Variants in ZNF407 observed in about 807,000 individuals in gnomAD.
ZNF407 encodes zinc finger protein 407.
In ZNF407, 17 loss-of-function variants were observed where a neutral mutation model predicts 131.2. The ratio of observed to expected loss-of-function variants is 0.13; its 90% CI spans 0.09 to 0.19. ZNF407 has a LOEUF of 0.19. Ranked by LOEUF, ZNF407 falls within the 10% of genes least tolerant of loss-of-function variation. ZNF407 has a pLI of 1.00. For synonymous variants in ZNF407, 1,156 were observed against 1,062.0 expected (o/e 1.09, Z -1.72); for missense variants, 2,681 against 2,830.6 (o/e 0.95, Z 1.20).
chr18:74,798,108 C>T (rs1252968131), intron 4 of ZNF407, among the ~76,000 whole-genome samples: 1 of 151,700 alleles, frequency 6.6e-6, no homozygotes. Context: ...ATGTCTGAAT[C>T]ATAAAATACA....
chr18:74,660,612 A>G (rs571046261), intron 3 of ZNF407, among the ~76,000 whole-genome samples: 2 of 152,134 alleles, frequency 1.3e-5, no homozygotes, highest in Non-Finnish European at 2.9e-5. Flanking sequence ...TCTCCAAAGA[A>G]AGCAATATAA....
chr18:74,876,042 C>T (rs117153780), intron 4 of ZNF407, among the ~76,000 whole-genome samples: 1,626 of 152,130 alleles, frequency 0.011, 35 homozygotes, highest in Admixed American at 0.053. Flanking sequence ...ATTATTTGGA[C>T]CCTGGGATTC....
At chr18:74,917,308 T>A (rs1349984599) in intron 7 of ZNF407, among the ~76,000 whole-genome samples, 2 of 152,158 alleles carry the variant, frequency 1.3e-5, no homozygotes, top group Non-Finnish European at 2.9e-5. Flanking sequence ...GTTTAAAACA[T>A]AAAATTACAA....
At chr18:74,803,980 C>G (rs373509736) in intron 4 of ZNF407, 38 of 1,551,678 alleles carry the variant, frequency 2.4e-5, no homozygotes, top group Middle Eastern at 1.7e-4. Flanking sequence ...GGTTGCATAT[C>G]GAAAGATCGG....
At chr18:74,906,272 T>A (rs1971594166) in intron 7 of ZNF407, among the ~76,000 whole-genome samples, 1 of 152,190 alleles carries the variant, frequency 6.6e-6, no homozygotes. Context: ...GTTTTGATTA[T>A]AGTATTCCTT....
chr18:74,620,896 G>A (rs1983483343), intron 1 of ZNF407, among the ~76,000 whole-genome samples: 1 of 152,144 alleles, frequency 6.6e-6, no homozygotes, highest in Non-Finnish European at 1.5e-5. Context: ...GGTTATGGCT[G>A]TGAGAATTGT....
intron 8 of ZNF407, among the ~76,000 whole-genome samples, chr18:75,049,332 TC>T (rs974737194): frequency 2.0e-5 from 3 of 152,162 alleles, no homozygotes; most frequent in Non-Finnish European, 4.4e-5. Context: ...CAGCGCAGCC[TC>T]CTGCTCTGGC....
At chr18:74,977,535 TTAAGTC>T (rs1171913696) in intron 8 of ZNF407, among the ~76,000 whole-genome samples, 13 of 152,226 alleles carry the variant, frequency 8.5e-5, no homozygotes, top group Non-Finnish European at 1.0e-4. Flanking sequence ...CTTCTTGACT[TTAAGTC>T]TAAACAGATG....
In ZNF407 at chr18:74,633,568, G is replaced by A. The variant is rs1443295460; in HGVS notation, c.2549G>A (p.Arg850Gln). 2 of 1,613,984 alleles carry A rather than the reference G, an allele frequency of 1.2e-6. No individual in the cohort carries two copies. The highest frequency in any genetic ancestry group is 8.5e-7 in the Non-Finnish European group (1 of 1,179,902). The change falls in exon 2 of 9, where the codon CGG becomes CAG. Residue 850 changes from arginine to glutamine, a missense_variant. Arg to Gln is a conservative substitution (Grantham distance 43, BLOSUM62 1). This residue lies in a region of ZNF407 where 1,789 missense variants were observed against 1,748.7 expected (regional missense o/e 1.02). Coordinates refer to ENST00000299687, the MANE Select transcript of ZNF407 (RefSeq NM_017757.3). ...GGGAGACCTAAAGGTAACATCTCAC[G>A]GACGTGTTCACACTGTGGCCTTTTG... ...KRGRPKGNIS[R>Q]TCSHCGLLAS... is the part of the protein sequence containing the mutation.
intron 3 of ZNF407, among the ~76,000 whole-genome samples, chr18:74,728,386 CATAGCCCAG>C (rs1304992190): frequency 1.3e-5 from 2 of 152,142 alleles, no homozygotes; most frequent in African/African-American, 4.8e-5. Context: ...TGAGATGGAC[CATAGCCCAG>C]ATAGCCCAGA....
intron 3 of ZNF407, among the ~76,000 whole-genome samples, chr18:74,657,082 GTTTTT>G (rs11338662): frequency 1.5e-5 from 2 of 134,634 alleles, no homozygotes; most frequent in Non-Finnish European, 3.2e-5. Flanking sequence ...TGTTGAACTA[GTTTTT>G]TTTTTTTTTT....
chr18:74,969,629 T>C (rs1972449037), intron 8 of ZNF407, among the ~76,000 whole-genome samples: 1 of 151,998 alleles, frequency 6.6e-6, no homozygotes, highest in African/African-American at 2.4e-5. Flanking sequence ...TGTAGTGGAG[T>C]CCCTGGCCTG....
chr18:74,860,484 A>ATATTAT (rs1167796493), intron 4 of ZNF407, among the ~76,000 whole-genome samples: 60,420 of 145,168 alleles, frequency 0.42, 12,991 homozygotes, highest in Non-Finnish European at 0.49. Context: ...CAGAACCTCT[A>ATATTAT]TATTATTATT....
At chr18:74,881,180 T>G in intron 6 of ZNF407, 61 bp downstream of exon 6, 1 of 1,419,370 alleles carries the variant, frequency 7.0e-7, no homozygotes, top group Non-Finnish European at 9.6e-7. Flanking sequence ...CACCCCAGCC[T>G]CAATTCTTGA....
chr18:75,005,141 A>G (rs1263373012), intron 8 of ZNF407, among the ~76,000 whole-genome samples: 1 of 152,194 alleles, frequency 6.6e-6, no homozygotes, highest in Non-Finnish European at 1.5e-5. Flanking sequence ...GTATTTGTCA[A>G]GTGACTGCTT....
chr18:74,879,739 C>T (rs1362136213), intron 5 of ZNF407, among the ~76,000 whole-genome samples: 2 of 151,960 alleles, frequency 1.3e-5, no homozygotes, highest in African/African-American at 2.4e-5. Context: ...TAATAATGAA[C>T]ATTTTAACTT....
chr18:74,643,432 C>T (rs780788707), intron 3 of ZNF407, among the ~76,000 whole-genome samples: 2 of 152,000 alleles, frequency 1.3e-5, no homozygotes, highest in Non-Finnish European at 2.9e-5. Context: ...ATTATGTTTT[C>T]TTTTCCTTAG....
Position 74,633,659 on chromosome 18 carries a change from A to G in ZNF407, c.2640A>G (p.Leu880=). 6.2e-7 allele frequency: 1 copy of G among 1,614,054 alleles called. No homozygotes were observed. Among genetic ancestry groups the G allele is most frequent in the Non-Finnish European group, 8.5e-7 (1 of 1,179,900 alleles). The change falls in exon 2 of 9, where the codon TTA becomes TTG. Residue 880 remains leucine, a synonymous_variant. Transcript: ENST00000299687. ...AACACAGTCACCAGTATAGTTATTT[A>G]TGCAAAGTGTGTAAGTATTACACTG... The part of the protein sequence containing the change: ...RRKHSHQYSY[L]CKVCKYYTVT...
At chr18:74,914,548 C>G (rs1971720983) in intron 7 of ZNF407, among the ~76,000 whole-genome samples, 1 of 152,136 alleles carries the variant, frequency 6.6e-6, no homozygotes, top group African/African-American at 2.4e-5. Flanking sequence ...GTGCGCTTAC[C>G]TTCTCTAAAG....
Sources: gnomAD v4.1 joint callset for allele counts (sites outside exome capture counted in the v4.1 genomes callset) on GRCh38, gnomAD v4.1.1 for gene constraint, gnomAD v4.1.1 regional missense constraint, MANE v1.5 for transcripts, NCBI Gene and HGNC (gene_info 2026-07-23, HGNC 2026-07-21) for gene names.